The following SLC25A13 variants were observed in gnomAD, a reference collection of about 807,000 sequenced individuals.
SLC25A13 encodes the protein solute carrier family 25 member 13.
In SLC25A13, 70 loss-of-function variants were observed where a neutral mutation model predicts 85.5. That is an observed-to-expected ratio of 0.82 (90% CI 0.68 to 1.00). The LOEUF (loss-of-function observed/expected upper bound fraction) is 1.00, where lower values mean the gene tolerates loss of function less well. Ranked by LOEUF, SLC25A13 falls within the 50% of genes least tolerant of loss-of-function variation. The pLI is 0.00. For missense variants in SLC25A13, 765 were observed against 819.8 expected (o/e 0.93, Z 0.82); for synonymous variants, 259 against 288.7 (o/e 0.90, Z 1.04).
chr7:96,259,604 G>T (rs1341089534), intron 3 of SLC25A13, among the ~76,000 whole-genome samples: 1 of 152,168 alleles, frequency 6.6e-6, no homozygotes, highest in Non-Finnish European at 1.5e-5. Context: ...TTACATTGCT[G>T]GTGGGAGTGT....
intron 5 of SLC25A13, among the ~76,000 whole-genome samples, chr7:96,197,376 A>C (rs1584442036): frequency 6.6e-6 from 1 of 152,204 alleles, no homozygotes; most frequent in African/African-American, 2.4e-5. Context: ...GCAGAGACCA[A>C]GGAGGAGAGA....
At chr7:96,158,577 A>C (rs1373559811) in intron 13 of SLC25A13, among the ~76,000 whole-genome samples, 1 of 152,240 alleles carries the variant, frequency 6.6e-6, no homozygotes, top group Non-Finnish European at 1.5e-5. Context: ...TTAGATTTAA[A>C]GTGCTTTTCA....
chr7:96,192,896 T>G, intron 6 of SLC25A13, 141 bp downstream of exon 6: 1 of 921,586 alleles, frequency 1.1e-6, no homozygotes, highest in Non-Finnish European at 1.7e-6. Flanking sequence ...CACTCTTTGT[T>G]TGAGTTTAGT....
At chr7:96,273,089 G>A (rs1001030192) in intron 3 of SLC25A13, among the ~76,000 whole-genome samples, 16 of 152,154 alleles carry the variant, frequency 1.1e-4, no homozygotes, top group African/African-American at 3.1e-4. Context: ...GATCCCTCCT[G>A]AGGAGATACA....
intron 11 of SLC25A13, among the ~76,000 whole-genome samples, chr7:96,180,326 AC>A (rs1333877705): frequency 6.6e-6 from 1 of 152,076 alleles, no homozygotes; most frequent in African/African-American, 2.4e-5. Flanking sequence ...TTTCTGATAG[AC>A]CCTGATTTCT....
rs1343306297 is a variant in SLC25A13, at chr7:96,218,791, AAG to A, written c.329-9816_329-9815del. ...ATAAAAGTAACCCCTCTTGGAGGCA[AAG>A]AGAGGACTGCTGAAGGCCCAGCATT... On this transcript the variant is annotated intron_variant, in intron 4 of 17. Coordinates refer to ENST00000265631, the MANE Select transcript of SLC25A13 (RefSeq NM_014251.3). 5.9e-5 allele frequency among the ~76,000 whole-genome samples: 9 copies of A among 152,262 alleles called. No individual in the cohort carries two copies. In the South Asian group the frequency reaches 1.9e-3, roughly 32 times the overall value.
At chr7:96,228,538 T>G (rs549352315) in intron 4 of SLC25A13, among the ~76,000 whole-genome samples, 1 of 152,200 alleles carries the variant, frequency 6.6e-6, no homozygotes, top group Non-Finnish European at 1.5e-5. Flanking sequence ...CTGGTACCAC[T>G]GAGAGGTGAC....
At chr7:96,293,317 A>G (rs1799201935) in intron 2 of SLC25A13, among the ~76,000 whole-genome samples, 1 of 152,264 alleles carries the variant, frequency 6.6e-6, no homozygotes, top group Admixed American at 6.5e-5. Context: ...ACCTAAAACC[A>G]TAAAAACCCT....
At chr7:96,274,873 T>C (rs1798385415) in intron 3 of SLC25A13, among the ~76,000 whole-genome samples, 1 of 152,222 alleles carries the variant, frequency 6.6e-6, no homozygotes, top group Non-Finnish European at 1.5e-5. Flanking sequence ...TCTATATCTC[T>C]GTTTTGGTAC....
intron 2 of SLC25A13, among the ~76,000 whole-genome samples, chr7:96,281,119 G>A (rs573480798): frequency 6.6e-6 from 1 of 152,104 alleles, no homozygotes; most frequent in Admixed American, 6.5e-5. Flanking sequence ...AGCTGGGCAC[G>A]GCATCTCACA....
chr7:96,228,537 C>G (rs1796401462), intron 4 of SLC25A13, among the ~76,000 whole-genome samples: 1 of 152,242 alleles, frequency 6.6e-6, no homozygotes, highest in African/African-American at 2.4e-5. Context: ...ACTGGTACCA[C>G]TGAGAGGTGA....
intron 13 of SLC25A13, among the ~76,000 whole-genome samples, chr7:96,164,711 T>TACACACACACACACACAC (rs56377235): frequency 0.033 from 4,740 of 142,936 alleles, 110 homozygotes; most frequent in East Asian, 0.056. Flanking sequence ...GGATTAACTT[T>TACACACACACACACACAC]ACACACACAC....
chr7:96,218,193 AAGTATCAT>A (rs1795971316), intron 4 of SLC25A13, among the ~76,000 whole-genome samples: 1 of 152,200 alleles, frequency 6.6e-6, no homozygotes, highest in African/African-American at 2.4e-5. Context: ...TGTGATTTGG[AAGTATCAT>A]AGTTTTTAAT....
intron 5 of SLC25A13, 69 bp from the exon 6 acceptor site, chr7:96,193,252 A>G: frequency 6.4e-7 from 1 of 1,570,456 alleles, no homozygotes. Flanking sequence ...ATGACAGTTC[A>G]TTTTAAAATC....
chr7:96,268,925 T>G (rs868862626), intron 3 of SLC25A13, among the ~76,000 whole-genome samples: 1 of 152,178 alleles, frequency 6.6e-6, no homozygotes, highest in Admixed American at 6.5e-5. Context: ...CTCCTGCAAC[T>G]CAGATGTCAC....
chr7:96,283,007 C>G (rs1454598216), intron 2 of SLC25A13, among the ~76,000 whole-genome samples: 3 of 152,088 alleles, frequency 2.0e-5, no homozygotes, highest in Admixed American at 6.6e-5. Context: ...CTTCCGTGTT[C>G]CCACCCAAAA....
chr7:96,163,499 A>C (rs1793601179), intron 13 of SLC25A13, among the ~76,000 whole-genome samples: 2 of 152,218 alleles, frequency 1.3e-5, no homozygotes, highest in African/African-American at 4.8e-5. Context: ...TAGAACCACA[A>C]GAGAGAATAA....
Position 96,257,400 on chromosome 7 carries a change from A to G in SLC25A13, c.212+19796T>C, listed in dbSNP as rs963184955. Among the ~76,000 whole-genome samples, 8 of 152,362 alleles carry G rather than the reference A, an allele frequency of 5.3e-5. No homozygotes were observed. In the East Asian group the frequency reaches 1.3e-3, roughly 26 times the overall value. On this transcript the variant is annotated intron_variant, in intron 3 of 17. Coordinates refer to ENST00000265631, the MANE Select transcript of SLC25A13 (RefSeq NM_014251.3). ...AAGGGGAGATCACCACTGATCCCAC[A>G]GAAATACAAACTACCATCAGAGAAT...
At chr7:96,310,465 T>C (rs1297092523) in intron 1 of SLC25A13, among the ~76,000 whole-genome samples, 2 of 152,250 alleles carry the variant, frequency 1.3e-5, no homozygotes, top group Admixed American at 1.3e-4. Context: ...GTCGGTAACA[T>C]AATGCTAGTT....
Sources: allele counts gnomAD v4.1 joint callset (sites outside exome capture counted in the v4.1 genomes callset), GRCh38; gene constraint gnomAD v4.1.1; transcripts MANE v1.5; gene names NCBI Gene and HGNC (gene_info 2026-07-23, HGNC 2026-07-21).